Variants in VDAC1 observed in about 807,000 individuals in gnomAD.
The protein encoded by VDAC1 is non-selective voltage-gated ion channel VDAC1.
Under a neutral mutation model 34.7 loss-of-function variants are expected in VDAC1, and 10 were observed. That is an observed-to-expected ratio of 0.29 (90% confidence interval 0.18 to 0.49). VDAC1 has a LOEUF of 0.49. VDAC1 is among the 20% of genes least tolerant of loss of function. The pLI is 0.99. For missense variants in VDAC1, 230 were observed against 347.9 expected (o/e 0.66, Z 2.69); for synonymous variants, 130 against 136.0 (o/e 0.96, Z 0.30).
chr5:134,034,758 C>T, the VDAC1 span, among the ~76,000 whole-genome samples: 32 of 151,834 alleles, frequency 2.1e-4, no homozygotes, highest in Middle Eastern at 6.8e-3. Flanking sequence ...ACAGTGAGAG[C>T]CAGGTTTCCA....
At chr5:134,054,368 C>T in the VDAC1 span, among the ~76,000 whole-genome samples, 10 of 151,996 alleles carry the variant, frequency 6.6e-5, no homozygotes. Context: ...TTCACCCTGG[C>T]AAGCTTCTAG....
chr5:134,090,242 A>C, the VDAC1 span, among the ~76,000 whole-genome samples: 1 of 152,120 alleles, frequency 6.6e-6, no homozygotes, highest in African/African-American at 2.4e-5. Flanking sequence ...TCTTCGTGGA[A>C]TATTCCTGGG....
the VDAC1 span, among the ~76,000 whole-genome samples, chr5:134,067,448 A>T: frequency 6.6e-6 from 1 of 151,352 alleles, no homozygotes; most frequent in African/African-American, 2.4e-5. Context: ...AAAAAAAAAA[A>T]AAAGTTATAT....
the VDAC1 span, among the ~76,000 whole-genome samples, chr5:134,027,673 T>C: frequency 6.6e-6 from 1 of 152,112 alleles, no homozygotes; most frequent in African/African-American, 2.4e-5. Context: ...AACTTTCATT[T>C]GTTTCAATTA....
At chr5:134,057,459 G>A in the VDAC1 span, among the ~76,000 whole-genome samples, 156 of 143,994 alleles carry the variant, frequency 1.1e-3, no homozygotes, top group African/African-American at 3.9e-3. Context: ...CAGCCTGGGC[G>A]ACAGAGTGAG....
chr5:133,993,652 CCCAAATACATCCT>C (rs1239081865), intron 1 of VDAC1, among the ~76,000 whole-genome samples: 2 of 152,180 alleles, frequency 1.3e-5, no homozygotes, highest in Non-Finnish European at 2.9e-5. Context: ...ATGGAAAAAA[CCCAAATACATCCT>C]CCAAATACAT....
the VDAC1 span, among the ~76,000 whole-genome samples, chr5:134,085,077 T>TTTTCTTC: frequency 7.0e-5 from 1 of 14,204 alleles, no homozygotes; most frequent in African/African-American, 1.1e-4. Context: ...TTTTCTTTTC[T>TTTTCTTC]TTTTTTTTTG....
At chr5:134,066,562 T>C in the VDAC1 span, among the ~76,000 whole-genome samples, 1 of 152,214 alleles carries the variant, frequency 6.6e-6, no homozygotes, top group African/African-American at 2.4e-5. Context: ...GAAATCAAAT[T>C]AAAAGTGGCT....
chr5:134,112,859 C>G, the VDAC1 span, among the ~76,000 whole-genome samples: 1 of 152,200 alleles, frequency 6.6e-6, no homozygotes, highest in African/African-American at 2.4e-5. Context: ...CTGGAGAACA[C>G]TTCAGCCTCC....
the VDAC1 span, among the ~76,000 whole-genome samples, chr5:134,029,181 C>A: frequency 6.6e-6 from 1 of 152,218 alleles, no homozygotes; most frequent in East Asian, 1.9e-4. Flanking sequence ...GAGTGAGCCA[C>A]CTTGGAGGAG....
chr5:134,022,435 T>C, the VDAC1 span, among the ~76,000 whole-genome samples: 2 of 152,204 alleles, frequency 1.3e-5, no homozygotes, highest in Non-Finnish European at 2.9e-5. Context: ...TATCATCCCA[T>C]AGTGGAAGAG....
At chr5:134,086,597 A>G in the VDAC1 span, among the ~76,000 whole-genome samples, 1 of 152,178 alleles carries the variant, frequency 6.6e-6, no homozygotes, top group African/African-American at 2.4e-5. Flanking sequence ...GACGTTTCCC[A>G]CCATTTTCCT....
At chr5:134,002,220 C>T (rs1561601415) in intron 1 of VDAC1, among the ~76,000 whole-genome samples, 1 of 152,210 alleles carries the variant, frequency 6.6e-6, no homozygotes, top group Admixed American at 6.5e-5. Context: ...TCCACACCTG[C>T]CTAGTGTTCA....
chr5:133,980,634 TAAA>T (rs55708320), intron 6 of VDAC1, 92 bp downstream of exon 6: 791 of 584,236 alleles, frequency 1.4e-3, no homozygotes, highest in African/African-American at 1.8e-3. Flanking sequence ...TGGGCTTTCT[TAAA>T]AAAAAAAAAA....
At chr5:134,077,138 G>A in the VDAC1 span, among the ~76,000 whole-genome samples, 3 of 151,918 alleles carry the variant, frequency 2.0e-5, no homozygotes, top group African/African-American at 4.8e-5. Context: ...TTAGCCAGGC[G>A]TGGTGGCGTG....
At chr5:134,040,048 C>T in the VDAC1 span, among the ~76,000 whole-genome samples, 3 of 152,192 alleles carry the variant, frequency 2.0e-5, no homozygotes, top group African/African-American at 7.2e-5. Flanking sequence ...GGGACAAGGA[C>T]GGAGGCTTCA....
the VDAC1 span, among the ~76,000 whole-genome samples, chr5:134,052,934 G>T: frequency 6.6e-6 from 1 of 152,126 alleles, no homozygotes; most frequent in Non-Finnish European, 1.5e-5. Context: ...TGACCAATAT[G>T]GTGAAACCCT....
At chr5:134,046,264 G>A in the VDAC1 span, among the ~76,000 whole-genome samples, 2 of 151,878 alleles carry the variant, frequency 1.3e-5, no homozygotes, top group African/African-American at 2.4e-5. Context: ...TCCTGACCTC[G>A]TGATCCACCC....
At chr5:133,984,623 T>G (rs2126942215) in intron 5 of VDAC1, among the ~76,000 whole-genome samples, 1 of 152,288 alleles carries the variant, frequency 6.6e-6, no homozygotes, top group East Asian at 1.9e-4. Flanking sequence ...AAGGAATGCA[T>G]CATAGACAAT....
Sources: gnomAD v4.1 joint callset for allele counts (sites outside exome capture counted in the v4.1 genomes callset) on GRCh38, gnomAD v4.1.1 for gene constraint, MANE v1.5 for transcripts, NCBI Gene and HGNC (gene_info 2026-07-23, HGNC 2026-07-21) for gene names.